Variants in ZNF208 observed in about 807,000 individuals in gnomAD.
The protein encoded by ZNF208 is zinc finger protein 95.
A neutral mutation model predicts 12.1 loss-of-function variants in ZNF208; 10 were observed. The ratio of observed to expected loss-of-function variants is 0.83; its 90% confidence interval spans 0.51 to 1.40. ZNF208 has a LOEUF of 1.40. Among genes scored for constraint, ZNF208 ranks in the 40% most tolerant of loss-of-function variants. ZNF208 has a pLI of 0.00. For synonymous variants in ZNF208, 497 were observed against 488.4 expected (o/e 1.02, Z -0.23); for missense variants, 1,652 against 1,485.0 (o/e 1.11, Z -1.85).
chr19:21,943,694 G>T (rs1310529265), intron 4 of ZNF208, among the ~76,000 whole-genome samples: 1 of 152,102 alleles, frequency 6.6e-6, no homozygotes, highest in Non-Finnish European at 1.5e-5. Flanking sequence ...AATGAGATAG[G>T]ATGGTCATTT....
intron 1 of ZNF208, among the ~76,000 whole-genome samples, chr19:22,005,078 CA>C (rs1971021928): frequency 6.6e-6 from 1 of 152,104 alleles, no homozygotes; most frequent in Non-Finnish European, 1.5e-5. Context: ...GTGGAGAAAA[CA>C]GGTTGCTACT....
chr19:21,974,452 A>T lies in ZNF208; in HGVS notation c.582T>A (p.Ile194=), dbSNP rs1284916937. 3 of 1,613,698 alleles carry T rather than the reference A, an allele frequency of 1.9e-6. No individual in the cohort carries two copies. The Admixed American group carries it at 5.0e-5, about 27-fold the overall frequency. The stretch of plus-strand genomic sequence containing the variant: ...ATTTGTAGGAATTCTCTCTAGTATA[A>T]ATTCTTTTATGTTGAGATAGGTGTG... ...MLSHLSQHKR[I]YTRENSYKCE... The change falls in exon 4 of 4, where the codon ATT becomes ATA. Residue 194 remains isoleucine (I), a synonymous_variant. Coordinates refer to ENST00000397126, the MANE Select transcript of ZNF208 (RefSeq NM_007153.3).
chr19:22,006,367 A>AT (rs915632887), intron 1 of ZNF208, among the ~76,000 whole-genome samples: 16 of 149,670 alleles, frequency 1.1e-4, no homozygotes, highest in Admixed American at 2.7e-4. Flanking sequence ...TTGGAATTCA[A>AT]TTTTTTTTTT....
rs370804978 is a variant in ZNF208, at chr19:21,972,236, C to T, written c.2798G>A (p.Ser933Asn). ...GKAFSWLSVF[S>N]KHKKTHAGEK... ...TCCAGCATGAGTTTTCTTATGTTTA[C>T]TAAAGACTGACAACCAGCTGAAGGC... is the stretch of plus-strand genomic sequence containing the variant. Residue 933 changes from serine (S) to asparagine (N), a missense_variant, in exon 4 of 4, where the codon AGT becomes AAT. By Grantham distance (46) the Ser-to-Asn change is conservative. Around this residue, in one of 3 missense-constraint regions of ZNF208, gnomAD observed 1,239 missense variants for 1,086.2 expected, o/e 1.14. Transcript: ENST00000397126. The T allele has an allele frequency of 8.7e-6, 14 of 1,608,102 alleles. No individual in the cohort carries two copies. The highest frequency in any genetic ancestry group is 4.1e-5 in the African/African-American group (3 of 73,120).
intron 4 of ZNF208, among the ~76,000 whole-genome samples, chr19:21,944,638 A>G (rs1286097457): frequency 1.3e-5 from 2 of 152,226 alleles, no homozygotes; most frequent in African/African-American, 4.8e-5. Flanking sequence ...TTTTTAGTTA[A>G]TAATGAAGAT....
intron 4 of ZNF208, among the ~76,000 whole-genome samples, chr19:21,947,546 C>G (rs1969833083): frequency 6.6e-6 from 1 of 152,170 alleles, no homozygotes; most frequent in South Asian, 2.1e-4. Context: ...AATTATTTTC[C>G]CTTTTACATC....
At position 21,970,620 on chromosome 19, in the gene ZNF208, A is replaced by G. The variant is rs1970260529; in HGVS notation, c.*571T>C. On this transcript the variant is annotated 3_prime_UTR_variant, in exon 4 of 4. Coordinates refer to ENST00000397126, the MANE Select transcript of ZNF208 (RefSeq NM_007153.3). The stretch of plus-strand genomic sequence containing the variant: ...CTTCACATTTGTAGGGCTTCTCACC[A>G]GTATGAATTCTCTTATGTTCCATAA... 3.2e-6 allele frequency: 3 copies of G among 946,480 alleles called. No homozygotes were observed. Among genetic ancestry groups the G allele is most frequent in the Admixed American group, 3.7e-5 (2 of 53,986 alleles). 58.6% of individuals were successfully genotyped at this position (946,480 alleles called of 1,614,324 possible).
At chr19:21,948,975 T>C (rs1269050586) in intron 4 of ZNF208, among the ~76,000 whole-genome samples, 1 of 152,194 alleles carries the variant, frequency 6.6e-6, no homozygotes, top group Non-Finnish European at 1.5e-5. Context: ...CTGATGTGCA[T>C]ATTAGAAAGC....
In ZNF208 at chr19:21,973,325, T is replaced by C; in HGVS notation, c.1709A>G (p.Tyr570Cys). Residue 570 changes from tyrosine (Y) to cysteine (C), a missense_variant, in exon 4 of 4, where the codon TAT becomes TGT. Physicochemically the swap from Tyr to Cys is radical, Grantham distance 194 (BLOSUM62 -2). Transcript: ENST00000397126. ...CTCTACAGTATGAATTTTCTTATGA[T>C]AACTAAGGGTTGAGGACCACTTATA... is the stretch of plus-strand genomic sequence containing the variant. Reference protein sequence around the residue: ...KAYKWSSTLSYHKKIHTVEKP... With the variant: ...KAYKWSSTLSCHKKIHTVEKP... The C allele has an allele frequency of 6.2e-6, 10 of 1,610,154 alleles. No homozygotes were observed. In the East Asian group the frequency reaches 8.9e-5, roughly 14 times the overall value.
At position 21,943,104 on chromosome 19, in the gene ZNF208, G is replaced by A. The variant is rs1372465244; in HGVS notation, c.306-9867C>T. Among the ~76,000 whole-genome samples, 4 of 152,100 alleles carry A rather than the reference G, an allele frequency of 2.6e-5. 1 individual carries two copies. The South Asian group carries it at 6.2e-4, about 24-fold the overall frequency. On this transcript the variant is annotated intron_variant, in intron 4 of 4. Transcript: ENST00000599916. The stretch of plus-strand genomic sequence containing the variant: ...TGTTACCTAAAAAATCAACTGGAAG[G>A]CACTTTTATAACCTTGCACCACGTA...
At chr19:21,998,069 C>T (rs1306157286) in intron 1 of ZNF208, 3 of 151,178 alleles carry the variant, frequency 2.0e-5, no homozygotes, top group African/African-American at 7.3e-5. Flanking sequence ...TAGCTACTCT[C>T]AGCAAGGGAA....
At chr19:21,984,032 C>G (rs1970591642) in intron 3 of ZNF208, among the ~76,000 whole-genome samples, 1 of 151,752 alleles carries the variant, frequency 6.6e-6, no homozygotes, top group Non-Finnish European at 1.5e-5. Context: ...AGGAAACAGG[C>G]TACATAAAGA....
chr19:21,955,829 TCTCAA>T (rs1235715308), intron 4 of ZNF208, among the ~76,000 whole-genome samples: 2 of 152,316 alleles, frequency 1.3e-5, no homozygotes, highest in African/African-American at 4.8e-5. Context: ...AGCCTTCTTC[TCTCAA>T]CTCGTCAAAG....
In ZNF208 at chr19:21,974,132, G is replaced by T. The variant is rs758451985; in HGVS notation, c.902C>A (p.Thr301Asn). ...GKAFSKVSTL[T>N]THKAIHAGEK... ...TCCAGCATGAATTGCCTTATGTGTA[G>T]TAAGAGTCGAGACCTTACTAAAGGC... The change falls in exon 4 of 4, where the codon ACT (threonine) becomes AAT (asparagine). Residue 301 changes from threonine to asparagine, a missense_variant. This residue lies in a region of ZNF208 where 410 missense variants were observed against 378.2 expected (regional missense o/e 1.08). Transcript: ENST00000397126. 3.4e-5 allele frequency: 55 copies of T among 1,608,546 alleles called. 1 individual carries two copies. The highest frequency in any genetic ancestry group is 4.4e-5 in the Non-Finnish European group (52 of 1,177,854).
chr19:21,953,745 T>G (rs190256828), intron 4 of ZNF208, among the ~76,000 whole-genome samples: 22 of 152,088 alleles, frequency 1.4e-4, no homozygotes, highest in Admixed American at 1.4e-3. Context: ...GAAGAAACCA[T>G]CAATTATCAG....
At chr19:21,957,050 G>A (rs1430205142) in intron 4 of ZNF208, among the ~76,000 whole-genome samples, 3 of 150,794 alleles carry the variant, frequency 2.0e-5, no homozygotes, top group Non-Finnish European at 4.4e-5. Context: ...TTCTATTTTT[G>A]TTTTCTTTTG....
Position 21,970,658 on chromosome 19 carries a change from G to T in ZNF208, c.*533C>A. On this transcript the variant is annotated 3_prime_UTR_variant, in exon 4 of 4. Coordinates refer to ENST00000397126, the MANE Select transcript of ZNF208 (RefSeq NM_007153.3). ...TTATGTTCCATAAGGTTTGAGGACT[G>T]GTTGAAGCCTTTGCCACATTCTTCT... 9.9e-7 allele frequency: 1 copy of T among 1,013,212 alleles called. No homozygotes were observed. The highest frequency in any genetic ancestry group is 1.5e-6 in the Non-Finnish European group (1 of 656,262). The allele number at this position is 1,013,212 out of a possible 1,614,324, so 62.8% of individuals were successfully genotyped here. A position where few individuals can be genotyped will look rare whatever the true frequency, so the allele number is the denominator to read the frequency against.
intron 1 of ZNF208, among the ~76,000 whole-genome samples, chr19:22,010,529 C>G (rs1176176748): frequency 6.6e-6 from 1 of 152,232 alleles, no homozygotes; most frequent in African/African-American, 2.4e-5. Flanking sequence ...GGAGAGACTC[C>G]GCGCTGCGGG....
chr19:21,972,013 G>A lies in ZNF208; in HGVS notation c.3021C>T (p.Gly1007=), dbSNP rs1386236173. The part of the protein sequence containing the change: ...GEKPYKCEEC[G]KAFNWSSNLM... Reference sequence around the variant, plus strand: ...GGTTTGATGACCAGTTGAAAGCTTTGCCACATTCTTCACATTTGTAGGGTT... The same window carrying A: ...GGTTTGATGACCAGTTGAAAGCTTTACCACATTCTTCACATTTGTAGGGTT... The change falls in exon 4 of 4, where the codon GGC becomes GGT. Residue 1007 remains glycine (G), a synonymous_variant. Coordinates refer to ENST00000397126, the MANE Select transcript of ZNF208 (RefSeq NM_007153.3). 2 of 1,613,706 alleles carry A rather than the reference G, an allele frequency of 1.2e-6. No homozygotes were observed. Among genetic ancestry groups the A allele is most frequent in the Middle Eastern group, 1.7e-4 (1 of 6,060 alleles).
Sources: gnomAD v4.1 joint callset for allele counts (sites outside exome capture counted in the v4.1 genomes callset) on GRCh38, gnomAD v4.1.1 for gene constraint, gnomAD v4.1.1 regional missense constraint, MANE v1.5 for transcripts, NCBI Gene and HGNC (gene_info 2026-07-23, HGNC 2026-07-21) for gene names.